PPM1L: variants seen among roughly 807,000 people sequenced by gnomAD.
PPM1L encodes protein phosphatase 1L.
Under a neutral mutation model 31.4 loss-of-function variants are expected in PPM1L, and 13 were observed. That is an observed-to-expected ratio of 0.41 (90% CI 0.27 to 0.66). The LOEUF is 0.66. Ranked by LOEUF, PPM1L falls within the 30% of genes least tolerant of loss-of-function variation. The pLI, the probability that PPM1L is intolerant of heterozygous loss-of-function variation, is 0.29. For synonymous variants in PPM1L, 184 were observed against 175.4 expected, an observed-to-expected ratio of 1.05 and a Z score of -0.39; for missense variants, 326 against 453.7, an observed-to-expected ratio of 0.72 and a Z score of 2.56.
chr3:160,985,226 G>C (rs997086097), intron 2 of PPM1L, among the ~76,000 whole-genome samples: 11 of 152,102 alleles, frequency 7.2e-5, no homozygotes, highest in Admixed American at 7.2e-4. Context: ...GTTACATGGT[G>C]ATTTCCGAGA....
At chr3:160,998,526 C>A (rs568706422) in intron 2 of PPM1L, among the ~76,000 whole-genome samples, 41 of 152,060 alleles carry the variant, frequency 2.7e-4, no homozygotes, top group Non-Finnish European at 3.2e-4. Flanking sequence ...TTTATCATTA[C>A]CTTCTTCAGG....
At chr3:160,843,442 AT>A (rs1713964678) in intron 1 of PPM1L, among the ~76,000 whole-genome samples, 1 of 102,612 alleles carries the variant, frequency 9.7e-6, no homozygotes, top group Non-Finnish European at 2.1e-5. Context: ...ATATATATAT[AT>A]ATATATATAT....
chr3:160,800,779 T>G (rs1368322511), intron 1 of PPM1L, among the ~76,000 whole-genome samples: 3 of 152,168 alleles, frequency 2.0e-5, no homozygotes, highest in African/African-American at 7.2e-5. Flanking sequence ...CTTGGATTAA[T>G]AATGTACTCT....
At position 160,944,922 on chromosome 3, in the gene PPM1L, TGGAGATATATATATTATATATAAC is replaced by T. The variant is rs1559897361; in HGVS notation, c.400-16813_400-16790del. Among the ~76,000 whole-genome samples the T allele has an allele frequency of 6.1e-4, 46 of 75,606 alleles. 2 individuals are homozygous for T. The highest frequency in any genetic ancestry group is 1.4e-3 in the African/African-American group (29 of 20,274). The allele number at this position is 75,606 out of a possible 152,430, so 49.6% of individuals were successfully genotyped here. A position where few individuals can be genotyped will look rare whatever the true frequency, so the allele number is the denominator to read the frequency against. ...CTGATGTTACATATATAATATATAG[TGGAGATATATATATTATATATAAC>T]TATATATAACTATATAACATATATT... On this transcript the variant is annotated intron_variant, in intron 1 of 3. Coordinates refer to ENST00000498165, the MANE Select transcript of PPM1L (RefSeq NM_139245.4).
intron 1 of PPM1L, among the ~76,000 whole-genome samples, chr3:160,809,045 G>A (rs1445443872): frequency 3.3e-5 from 5 of 152,206 alleles, no homozygotes; most frequent in African/African-American, 1.2e-4. Context: ...AGGGCTGCCA[G>A]GTGCTAATGT....
At chr3:160,816,739 A>T (rs1322525435) in intron 1 of PPM1L, among the ~76,000 whole-genome samples, 1 of 152,072 alleles carries the variant, frequency 6.6e-6, no homozygotes, top group African/African-American at 2.4e-5. Flanking sequence ...GAATAAATGG[A>T]CAGCAAGGCA....
At chr3:160,865,725 A>G (rs954394430) in intron 1 of PPM1L, among the ~76,000 whole-genome samples, 1 of 152,226 alleles carries the variant, frequency 6.6e-6, no homozygotes, top group Non-Finnish European at 1.5e-5. Flanking sequence ...CAGTGAGCCG[A>G]GATCATGCCA....
At chr3:160,994,939 G>A (rs909899360) in intron 2 of PPM1L, among the ~76,000 whole-genome samples, 13 of 152,192 alleles carry the variant, frequency 8.5e-5, no homozygotes, top group Non-Finnish European at 1.5e-4. Context: ...CTCCAGGCAA[G>A]TTACCAGCCA....
At chr3:160,801,221 G>T (rs1190556835) in intron 1 of PPM1L, among the ~76,000 whole-genome samples, 2 of 151,572 alleles carry the variant, frequency 1.3e-5, no homozygotes, top group African/African-American at 4.9e-5. Context: ...TATTTTTCAT[G>T]TTTTTTGCTG....
chr3:160,837,205 AG>A (rs1395455761), intron 1 of PPM1L, among the ~76,000 whole-genome samples: 1 of 152,222 alleles, frequency 6.6e-6, no homozygotes, highest in Non-Finnish European at 1.5e-5. Flanking sequence ...ATATAAAAAA[AG>A]CTTTCTTGTA....
chr3:160,766,567 T>C (rs1715106185), intron 1 of PPM1L, among the ~76,000 whole-genome samples: 1 of 152,166 alleles, frequency 6.6e-6, no homozygotes, highest in African/African-American at 2.4e-5. Flanking sequence ...GATTGTAAGT[T>C]TCCTGAGGCC....
intron 1 of PPM1L, among the ~76,000 whole-genome samples, chr3:160,773,184 G>A (rs1711500545): frequency 6.6e-6 from 1 of 152,146 alleles, no homozygotes. Flanking sequence ...TTTAATTTTA[G>A]CCATTGTAGT....
At chr3:161,028,919 A>T (rs1330051626) in intron 2 of PPM1L, among the ~76,000 whole-genome samples, 1 of 152,182 alleles carries the variant, frequency 6.6e-6, no homozygotes, top group African/African-American at 2.4e-5. Context: ...GTCAGTATGG[A>T]TTCAGGGAGG....
chr3:160,869,911 ATGCTTTAGTC>A (rs1293609157), intron 1 of PPM1L, among the ~76,000 whole-genome samples: 2 of 152,144 alleles, frequency 1.3e-5, no homozygotes, highest in African/African-American at 4.8e-5. Flanking sequence ...TTGCTATGGG[ATGCTTTAGTC>A]TTGGCTTGTC....
chr3:160,937,575 G>A (rs534741839), intron 1 of PPM1L, among the ~76,000 whole-genome samples: 14 of 152,190 alleles, frequency 9.2e-5, no homozygotes, highest in South Asian at 4.1e-4. Context: ...AGCCGAGATC[G>A]CGCCACTGCA....
chr3:160,923,335 C>T (rs986470132), intron 1 of PPM1L, among the ~76,000 whole-genome samples: 1 of 152,120 alleles, frequency 6.6e-6, no homozygotes, highest in African/African-American at 2.4e-5. Flanking sequence ...TGCCTTATTT[C>T]CATTTGACGG....
chr3:161,010,808 T>G (rs960274881), intron 2 of PPM1L, among the ~76,000 whole-genome samples: 2 of 152,236 alleles, frequency 1.3e-5, no homozygotes, highest in Admixed American at 1.3e-4. Context: ...GTCTGTTGGC[T>G]GCATAAATGT....
intron 2 of PPM1L, among the ~76,000 whole-genome samples, chr3:161,056,895 C>G (rs1043372315): frequency 2.0e-5 from 3 of 152,032 alleles, no homozygotes; most frequent in East Asian, 1.9e-4. Flanking sequence ...AACCCCGTCT[C>G]TACTAAAAAT....
chr3:161,010,794 A>G (rs1717868121), intron 2 of PPM1L, among the ~76,000 whole-genome samples: 1 of 152,158 alleles, frequency 6.6e-6, no homozygotes, highest in Non-Finnish European at 1.5e-5. Context: ...GCATTTTTTC[A>G]TGTGTCTGTT....
Sources: gnomAD v4.1 joint callset for allele counts (sites outside exome capture counted in the v4.1 genomes callset) on GRCh38, gnomAD v4.1.1 for gene constraint, MANE v1.5 for transcripts, NCBI Gene and HGNC (gene_info 2026-07-23, HGNC 2026-07-21) for gene names.